The following NARS2 variants were observed in gnomAD, a reference collection of about 807,000 sequenced individuals.
NARS2 encodes asparaginyl-tRNA synthetase.
A neutral mutation model predicts 62.9 loss-of-function variants in NARS2; 60 were observed. The observed-to-expected ratio is 0.95, with a 90% CI of 0.77 to 1.18. The LOEUF (loss-of-function observed/expected upper bound fraction) is 1.18. NARS2 is among the 50% of genes most tolerant of loss of function. NARS2 has a pLI of 0.00. For missense variants in NARS2, 619 were observed against 576.4 expected (o/e 1.07, Z -0.76); for synonymous variants, 196 against 200.0 (o/e 0.98, Z 0.17).
chr11:78,478,564 T>G (rs370591220), intron 8 of NARS2, 21 bp downstream of exon 8: 82 of 1,499,672 alleles, frequency 5.5e-5, no homozygotes, highest in Non-Finnish European at 7.0e-5. Flanking sequence ...TGTATTGGGC[T>G]TTATCCATAA....
intron 11 of NARS2, among the ~76,000 whole-genome samples, chr11:78,458,880 G>A (rs371022290): frequency 1.5e-4 from 23 of 151,934 alleles, no homozygotes; most frequent in African/African-American, 5.3e-4. Context: ...TCTTGTGGTA[G>A]TAAGTCTAAG....
chr11:78,511,286 C>T (rs1279137736), intron 6 of NARS2, among the ~76,000 whole-genome samples: 1 of 152,094 alleles, frequency 6.6e-6, no homozygotes, highest in Non-Finnish European at 1.5e-5. Context: ...ACTATGTTGC[C>T]CAGGCTAGTC....
At chr11:78,568,901 T>C in intron 2 of NARS2, 149 bp from the exon 3 acceptor site, 1 of 585,814 alleles carries the variant, frequency 1.7e-6, no homozygotes, top group Non-Finnish European at 2.8e-6. Context: ...ATGGATAATC[T>C]GTCGTATAAA....
At position 78,521,299 on chromosome 11, in the gene NARS2, G is replaced by A. The variant is rs144206449; in HGVS notation, c.689+7543C>T. ...CTTGCCTTACTCTCCCAAGTAGCTA[G>A]GACTACAGGCACATGCCACCATGCT... On this transcript the variant is annotated intron_variant, in intron 6 of 13. Coordinates refer to ENST00000281038, the MANE Select transcript of NARS2 (RefSeq NM_024678.6). Among the ~76,000 whole-genome samples the A allele has an allele frequency of 5.1e-3, 769 of 151,878 alleles. 4 individuals are homozygous for A. The highest frequency in any genetic ancestry group is 7.9e-3 in the Non-Finnish European group (540 of 67,954).
At chr11:78,438,045 T>C (rs1321968884) in intron 13 of NARS2, among the ~76,000 whole-genome samples, 1 of 150,858 alleles carries the variant, frequency 6.6e-6, no homozygotes, top group East Asian at 1.9e-4. Flanking sequence ...TTGAATGATT[T>C]GTAAAATCAG....
rs149156069 is a variant in NARS2 at position 78,557,200 on chromosome 11, T to C, written c.594+2339A>G. 2.2e-3 allele frequency among the ~76,000 whole-genome samples: 339 copies of C among 152,306 alleles called. 1 individual carries two copies. The highest frequency in any genetic ancestry group is 7.7e-3 in the African/African-American group (321 of 41,578). On this transcript the variant is annotated intron_variant, in intron 5 of 13. Coordinates refer to ENST00000281038, the MANE Select transcript of NARS2 (RefSeq NM_024678.6). ...CTTACTGTGTTTTTTCAAGGTGACC[T>C]CTTAAAGCTGCCCTCTTATCTTTAA...
intron 1 of NARS2, chr11:78,573,066 A>T (rs1856988100): frequency 6.6e-6 from 1 of 152,170 alleles, no homozygotes; most frequent in Non-Finnish European, 1.5e-5. Context: ...ATTAATGTAT[A>T]CCCAATCAAT....
chr11:78,505,327 CGTAT>C (rs1200080446), intron 6 of NARS2, among the ~76,000 whole-genome samples: 7 of 136,900 alleles, frequency 5.1e-5, no homozygotes, highest in African/African-American at 1.9e-4. Flanking sequence ...CACACACATA[CGTAT>C]GTATATATCT....
chr11:78,510,423 C>A (rs562936408), intron 6 of NARS2, among the ~76,000 whole-genome samples: 7 of 152,188 alleles, frequency 4.6e-5, no homozygotes, highest in African/African-American at 1.7e-4. Flanking sequence ...CAATCAGACA[C>A]AACAGTTATA....
intron 11 of NARS2, among the ~76,000 whole-genome samples, chr11:78,461,907 C>G (rs1031575514): frequency 6.6e-5 from 10 of 151,840 alleles, no homozygotes; most frequent in Admixed American, 5.2e-4. Context: ...GAGCCAAGAT[C>G]GTGCCATTGC....
intron 10 of NARS2, among the ~76,000 whole-genome samples, chr11:78,467,567 A>AGATT (rs1555015091): frequency 7.5e-6 from 1 of 133,510 alleles, no homozygotes; most frequent in African/African-American, 2.5e-5. Context: ...ATAAATAAAT[A>AGATT]AATTAATTAA....
intron 11 of NARS2, among the ~76,000 whole-genome samples, chr11:78,454,695 T>C (rs11237502): frequency 0.019 from 2,886 of 151,886 alleles, 81 homozygotes; most frequent in African/African-American, 0.059. Flanking sequence ...CTCGGCTCAC[T>C]GCAACCTCCA....
At chr11:78,571,480 A>T in intron 1 of NARS2, 36 bp from the exon 2 acceptor site, 2 of 1,470,926 alleles carry the variant, frequency 1.4e-6, no homozygotes, top group Non-Finnish European at 1.9e-6. Flanking sequence ...TGAGCGTAAA[A>T]CATTTTACGT....
chr11:78,458,953 C>G (rs989838398), intron 11 of NARS2, among the ~76,000 whole-genome samples: 1 of 150,916 alleles, frequency 6.6e-6, no homozygotes, highest in African/African-American at 2.4e-5. Flanking sequence ...GAGTCTCGCT[C>G]TGTTGCCCCG....
intron 11 of NARS2, among the ~76,000 whole-genome samples, chr11:78,454,079 T>G (rs1444459086): frequency 1.3e-5 from 2 of 152,252 alleles, no homozygotes; most frequent in African/African-American, 4.8e-5. Context: ...AAAACATCAG[T>G]TGAGAACTCC....
intron 6 of NARS2, among the ~76,000 whole-genome samples, chr11:78,522,555 A>C (rs138683862): frequency 2.6e-5 from 4 of 152,320 alleles, no homozygotes; most frequent in Admixed American, 1.3e-4. Context: ...TTTACTTACT[A>C]AGGTTAATAA....
At chr11:78,480,277 G>GT (rs1248776174) in intron 7 of NARS2, among the ~76,000 whole-genome samples, 2 of 151,924 alleles carry the variant, frequency 1.3e-5, no homozygotes, top group African/African-American at 2.4e-5. Flanking sequence ...TTTATTTATT[G>GT]TTTTTTTAGA....
chr11:78,445,018 A>AC (rs1857709348), intron 11 of NARS2, among the ~76,000 whole-genome samples: 1 of 152,184 alleles, frequency 6.6e-6, no homozygotes, highest in African/African-American at 2.4e-5. Flanking sequence ...CTTATGACAA[A>AC]AAGTTCAAAT....
At chr11:78,437,908 G>A (rs1156280430) in intron 13 of NARS2, among the ~76,000 whole-genome samples, 1 of 146,068 alleles carries the variant, frequency 6.8e-6, no homozygotes, top group Non-Finnish European at 1.5e-5. Context: ...CTGGGAAGTG[G>A]AGGTTGCAGT....
Sources: gnomAD v4.1 joint callset for allele counts (sites outside exome capture counted in the v4.1 genomes callset) on GRCh38, gnomAD v4.1.1 for gene constraint, MANE v1.5 for transcripts, NCBI Gene and HGNC (gene_info 2026-07-23, HGNC 2026-07-21) for gene names.